Variants in GNA13 observed in about 807,000 individuals in gnomAD.
GNA13 encodes the protein G protein subunit alpha 13.
Under a neutral mutation model 33.5 loss-of-function variants are expected in GNA13, and 4 were observed. The ratio of observed to expected loss-of-function variants is 0.12; its 90% CI spans 0.06 to 0.27. GNA13 has a LOEUF of 0.27. Among genes scored for constraint, GNA13 ranks in the 10% least tolerant of loss-of-function variants. The pLI, the probability that GNA13 is intolerant of heterozygous loss-of-function variation, is 1.00. For synonymous variants in GNA13, 176 were observed against 183.8 expected (o/e 0.96, Z 0.34); for missense variants, 319 against 487.2 (o/e 0.65, Z 3.25).
At position 65,011,290 on chromosome 17, in the gene GNA13, T is replaced by A. The variant is rs746415268; in HGVS notation, c.*2967A>T. The A allele has an allele frequency of 5.0e-6, 1 of 198,470 alleles. No individual in the cohort carries two copies. Among genetic ancestry groups the A allele is most frequent in the African/African-American group, 2.3e-5 (1 of 43,376 alleles). 12.3% of individuals were successfully genotyped at this position (198,470 alleles called of 1,614,324 possible). Reference sequence around the variant, plus strand: ...GAGACTAACCAGAGGACCTTCTCTATGCAAATTACATGCCAATACACCTTA... The same window carrying A: ...GAGACTAACCAGAGGACCTTCTCTAAGCAAATTACATGCCAATACACCTTA... On this transcript the variant is annotated 3_prime_UTR_variant, in exon 4 of 4. Coordinates refer to ENST00000439174, the MANE Select transcript of GNA13 (RefSeq NM_006572.6).
In GNA13 at chr17:65,045,502, T is replaced by C. The variant is rs144790425; in HGVS notation, c.510+8000A>G. On this transcript the variant is annotated intron_variant, in intron 2 of 3. Transcript: ENST00000439174. Reference sequence around the variant, plus strand: ...CAGCCTGGGCAACAGATCAAGACTCTGTCTCAAAAAAAAAAAAAAAAAAAA... The same window carrying C: ...CAGCCTGGGCAACAGATCAAGACTCCGTCTCAAAAAAAAAAAAAAAAAAAA... Among the ~76,000 whole-genome samples the C allele has an allele frequency of 3.6e-3, 348 of 96,574 alleles. 2 individuals are homozygous for C. Among genetic ancestry groups the C allele is most frequent in the Middle Eastern group, 0.012 (2 of 170 alleles). The allele number at this position is 96,574 out of a possible 152,430, so 63.4% of individuals were successfully genotyped here.
At chr17:65,046,645 C>T (rs558818921) in intron 2 of GNA13, among the ~76,000 whole-genome samples, 7 of 152,298 alleles carry the variant, frequency 4.6e-5, no homozygotes, top group Non-Finnish European at 7.4e-5. Context: ...AAGCAGGGAA[C>T]ATTCAATCCA....
chr17:65,010,477 G>T lies in GNA13; in HGVS notation c.*3780C>A, dbSNP rs919499222. On this transcript the variant is annotated 3_prime_UTR_variant, in exon 4 of 4. Transcript: ENST00000439174. ...CTCCTCATGTTTACTAGACTGAAAA[G>T]CCACCCTGTATCCTATCATTAAAAA... Among the ~76,000 whole-genome samples the T allele has an allele frequency of 9.9e-5, 15 of 151,898 alleles. No individual in the cohort carries two copies. The highest frequency in any genetic ancestry group is 2.4e-4 in the African/African-American group (10 of 41,342).
At chr17:65,056,228 A>G in intron 1 of GNA13, 83 bp downstream of exon 1, 1 of 959,358 alleles carries the variant, frequency 1.0e-6, no homozygotes, top group South Asian at 1.6e-5. Flanking sequence ...GACACAGCGG[A>G]CCAGGGCGGT....
rs202180829 is a variant in GNA13, at chr17:65,056,402, G to A, written c.192C>T (p.Phe64=). The A allele has an allele frequency of 1.6e-4, 252 of 1,613,788 alleles. 2 individuals carry two copies. In the South Asian group the frequency reaches 2.4e-3, roughly 16 times the overall value. ...CGTGGATGATCCGCATCTGCTTCAG[G>A]AAGGTGGACTTGCCGCTCTCGCCCG... ...LGAGESGKST[F]LKQMRIIHGQ... Residue 64 remains phenylalanine, a synonymous_variant, in exon 1 of 4, where the codon TTC becomes TTT. Coordinates refer to ENST00000439174, the MANE Select transcript of GNA13 (RefSeq NM_006572.6).
At chr17:65,022,658 AT>A (rs1906626283) in intron 2 of GNA13, among the ~76,000 whole-genome samples, 1 of 152,222 alleles carries the variant, frequency 6.6e-6, no homozygotes, top group Non-Finnish European at 1.5e-5. Flanking sequence ...CACATGCAAA[AT>A]TTTAAAATGG....
intron 2 of GNA13, among the ~76,000 whole-genome samples, chr17:65,028,998 A>C (rs1185525162): frequency 6.6e-6 from 1 of 152,224 alleles, no homozygotes; most frequent in Non-Finnish European, 1.5e-5. Flanking sequence ...AGAGTTACTG[A>C]TATAATACTG....
rs186345693 is a variant in GNA13, at chr17:65,013,015, C to T, written c.*1242G>A. On this transcript the variant is annotated 3_prime_UTR_variant, in exon 4 of 4. Transcript: ENST00000439174. ...AGCAGTCGGGGGAGGTCAATGTAAT[C>T]ATCTTTAGGTGCGAACTAAAAAAAT... is the stretch of plus-strand genomic sequence containing the variant. 3.3e-3 allele frequency: 730 copies of T among 219,072 alleles called. 2 individuals carry two copies. Among genetic ancestry groups the T allele is most frequent in the Admixed American group, 5.3e-3 (91 of 17,266 alleles). The allele number at this position is 219,072 out of a possible 1,614,324, so 13.6% of individuals were successfully genotyped here.
At position 65,009,504 on chromosome 17, in the gene GNA13, A is replaced by T. The variant is rs1461736369; in HGVS notation, c.*4753T>A. ...AACTAAAGCACTGACAAAAAAATTT[A>T]CAACAATTATCAGATAATGTGCTTA... On this transcript the variant is annotated 3_prime_UTR_variant, in exon 4 of 4. Transcript: ENST00000439174. 1.3e-5 allele frequency among the ~76,000 whole-genome samples: 2 copies of T among 152,234 alleles called. No homozygotes were observed. The highest frequency in any genetic ancestry group is 4.8e-5 in the African/African-American group (2 of 41,458).
intron 3 of GNA13, among the ~76,000 whole-genome samples, chr17:65,017,118 ACT>A (rs560259020): frequency 1.3e-4 from 20 of 152,236 alleles, no homozygotes; most frequent in African/African-American, 4.8e-4. Flanking sequence ...CATTTTAATG[ACT>A]CTGGATACTT....
chr17:65,018,222 C>A (rs764541744), intron 3 of GNA13, 31 bp downstream of exon 3: 1 of 1,184,512 alleles, frequency 8.4e-7, no homozygotes, highest in Admixed American at 1.8e-5. Flanking sequence ...TCAAATGGCA[C>A]TAAACATAAA....
intron 2 of GNA13, chr17:65,053,217 T>C (rs1052462777): frequency 1.4e-5 from 5 of 362,992 alleles, no homozygotes; most frequent in Non-Finnish European, 2.5e-5. Context: ...TGCATACATA[T>C]GAGATATGCT....
In GNA13 at chr17:65,010,296, A is replaced by G. The variant is rs1906142358; in HGVS notation, c.*3961T>C. 6.6e-6 allele frequency among the ~76,000 whole-genome samples: 1 copy of G among 152,128 alleles called. No homozygotes were observed. The stretch of plus-strand genomic sequence containing the variant: ...CTACTTGATGGAACTTGAAAAAGCC[A>G]TAAAGTCCAACTTGTTTAAAATGTT... On this transcript the variant is annotated 3_prime_UTR_variant, in exon 4 of 4. Transcript: ENST00000439174.
rs1906167786 is a variant in GNA13, at chr17:65,010,998, T to C, written c.*3259A>G. 5.1e-6 allele frequency: 1 copy of C among 196,830 alleles called. No individual in the cohort carries two copies. Among genetic ancestry groups the C allele is most frequent in the African/African-American group, 2.3e-5 (1 of 43,238 alleles). The allele number at this position is 196,830 out of a possible 1,614,324, so 12.2% of individuals were successfully genotyped here. A position where few individuals can be genotyped will look rare whatever the true frequency, so the allele number is the denominator to read the frequency against. Reference sequence around the variant, plus strand: ...CAGTGTAACATGGTAACTTTATTCTTCATATATAAATAAGGCATAATCGGA... The same window carrying C: ...CAGTGTAACATGGTAACTTTATTCTCCATATATAAATAAGGCATAATCGGA... On this transcript the variant is annotated 3_prime_UTR_variant, in exon 4 of 4. Coordinates refer to ENST00000439174, the MANE Select transcript of GNA13 (RefSeq NM_006572.6).
chr17:65,056,378 G>C lies in GNA13; in HGVS notation c.216C>G (p.His72Gln). ...GCGCGCGCTGGTCGAAGTCCTGCCCGTGGATGATCCGCATCTGCTTCAGGA... is the reference window on the plus strand; with the variant it reads ...GCGCGCGCTGGTCGAAGTCCTGCCCCTGGATGATCCGCATCTGCTTCAGGA... Reference protein sequence around the residue: ...STFLKQMRIIHGQDFDQRARE... With the variant: ...STFLKQMRIIQGQDFDQRARE... The change falls in exon 1 of 4, where the codon CAC becomes CAG. Residue 72 changes from histidine (H) to glutamine (Q), a missense_variant. This residue lies in a region of GNA13 where 136 missense variants were observed against 159.3 expected (regional missense o/e 0.85). Transcript: ENST00000439174. The C allele has an allele frequency of 6.2e-7, 1 of 1,613,216 alleles. No individual in the cohort carries two copies. Among genetic ancestry groups the C allele is most frequent in the Non-Finnish European group, 8.5e-7 (1 of 1,179,668 alleles).
rs1261845527 is a variant in GNA13, at chr17:65,014,120, G to A, written c.*137C>T. On this transcript the variant is annotated 3_prime_UTR_variant, in exon 4 of 4. Coordinates refer to ENST00000439174, the MANE Select transcript of GNA13 (RefSeq NM_006572.6). This position sits in a 1 kb window ranked among gnomAD's most constrained non-coding sequence, Gnocchi z 5.3. ...CCACAAACCAAAGGCCGCAGAAAAA[G>A]TACTAAGATTTTCAAGAAGTTAAAC... The A allele has an allele frequency of 6.4e-6, 4 of 621,278 alleles. No homozygotes were observed. The East Asian group carries it at 8.2e-5, about 13-fold the overall frequency. 38.5% of individuals were successfully genotyped at this position (621,278 alleles called of 1,614,324 possible).
Position 65,027,121 on chromosome 17 carries a change from G to C in GNA13, c.511-8818C>G, listed in dbSNP as rs537920604. 2.6e-5 allele frequency among the ~76,000 whole-genome samples: 4 copies of C among 152,226 alleles called. No individual in the cohort carries two copies. The East Asian group carries it at 5.8e-4, about 22-fold the overall frequency. On this transcript the variant is annotated intron_variant, in intron 2 of 3. Coordinates refer to ENST00000439174, the MANE Select transcript of GNA13 (RefSeq NM_006572.6). Reference sequence around the variant, plus strand: ...TTAAGGCTCACTACTTTCTGAAGCAGAAGGAAAGAAACCATTTTATGAAAA... The same window carrying C: ...TTAAGGCTCACTACTTTCTGAAGCACAAGGAAAGAAACCATTTTATGAAAA...
At chr17:65,030,025 G>A (rs1380027950) in intron 2 of GNA13, among the ~76,000 whole-genome samples, 1 of 152,196 alleles carries the variant, frequency 6.6e-6, no homozygotes, top group African/African-American at 2.4e-5. Flanking sequence ...ATGCTTTGAA[G>A]AGCACTGTAG....
chr17:65,011,938 G>GTTC lies in GNA13; in HGVS notation c.*2318_*2319insGAA, dbSNP rs1168394335. ...TACAACGTATAAAAAAATGTGGACT[G>GTTC]AAGCCTTTAGATTGAACTTAAAGTT... On this transcript the variant is annotated 3_prime_UTR_variant, in exon 4 of 4. Coordinates refer to ENST00000439174, the MANE Select transcript of GNA13 (RefSeq NM_006572.6). 2 of 225,376 alleles carry GTTC rather than the reference G, an allele frequency of 8.9e-6. No homozygotes were observed. Among genetic ancestry groups the GTTC allele is most frequent in the Non-Finnish European group, 1.8e-5 (2 of 113,334 alleles). The allele number at this position is 225,376 out of a possible 1,614,324, so 14.0% of individuals were successfully genotyped here.
Sources: allele counts gnomAD v4.1 joint callset (sites outside exome capture counted in the v4.1 genomes callset), GRCh38; gene constraint gnomAD v4.1.1; regional missense constraint gnomAD v4.1.1; non-coding constraint Gnocchi (gnomAD v3.1); transcripts MANE v1.5; gene names NCBI Gene and HGNC (gene_info 2026-07-23, HGNC 2026-07-21).